The following COL13A1 variants were observed in gnomAD, a reference collection of about 807,000 sequenced individuals.
COL13A1 encodes the protein collagen alpha-1(XIII) chain.
A neutral mutation model predicts 130.9 loss-of-function variants in COL13A1; 89 were observed. The observed-to-expected ratio is 0.68, with a 90% CI of 0.57 to 0.81. The LOEUF (loss-of-function observed/expected upper bound fraction) is 0.81. COL13A1 is among the 30% of genes least tolerant of loss of function. The pLI is 0.00. For synonymous variants in COL13A1, 402 were observed against 341.6 expected, an observed-to-expected ratio of 1.18 and a Z score of -1.95; for missense variants, 879 against 934.6, an observed-to-expected ratio of 0.94 and a Z score of 0.78.
Position 69,843,618 on chromosome 10 carries a change from T to C in COL13A1, c.364+21180T>C, listed in dbSNP as rs150567630. 5.0e-3 allele frequency among the ~76,000 whole-genome samples: 764 copies of C among 152,328 alleles called. 6 individuals carry two copies. The highest frequency in any genetic ancestry group is 0.017 in the African/African-American group (720 of 41,564). The stretch of plus-strand genomic sequence containing the variant: ...AATGTTTTCTATCCAACAGCTTTGA[T>C]CTATAAAATGAGGATAATGAGAAGG... On this transcript the variant is annotated intron_variant, in intron 2 of 40. Coordinates refer to ENST00000645393, the MANE Select transcript of COL13A1 (RefSeq NM_001368882.1).
At chr10:69,924,629 A>T (rs2065109017) in intron 24 of COL13A1, among the ~76,000 whole-genome samples, 1 of 152,110 alleles carries the variant, frequency 6.6e-6, no homozygotes, top group Admixed American at 6.5e-5. Context: ...GCAGGATGGA[A>T]TTAAAGAGAA....
At chr10:69,908,934 C>A (rs2063072205) in intron 17 of COL13A1, among the ~76,000 whole-genome samples, 1 of 151,342 alleles carries the variant, frequency 6.6e-6, no homozygotes, top group African/African-American at 2.4e-5. Flanking sequence ...TCCTAATCGC[C>A]AGATGCCTTG....
At chr10:69,831,246 G>A (rs1361035544) in intron 2 of COL13A1, among the ~76,000 whole-genome samples, 1 of 152,202 alleles carries the variant, frequency 6.6e-6, no homozygotes, top group African/African-American at 2.4e-5. Context: ...TCAGCCACCT[G>A]TGGGCTGGCA....
At chr10:69,940,445 C>A (rs546822310) in intron 34 of COL13A1, among the ~76,000 whole-genome samples, 70 of 152,296 alleles carry the variant, frequency 4.6e-4, no homozygotes, top group African/African-American at 1.5e-3. Flanking sequence ...ATAAGCAGAA[C>A]AACTCCTACC....
chr10:69,921,777 G>A, intron 21 of COL13A1, 105 bp from the exon 22 acceptor site: 4 of 1,450,356 alleles, frequency 2.8e-6, no homozygotes, highest in Non-Finnish European at 3.8e-6. Flanking sequence ...GGGGCACCGA[G>A]GCAGGAGCAA....
intron 2 of COL13A1, among the ~76,000 whole-genome samples, chr10:69,860,065 G>A (rs2395279): frequency 0.11 from 16,281 of 152,246 alleles, 1,120 homozygotes; most frequent in Middle Eastern, 0.28. Flanking sequence ...TAAGCTGGAC[G>A]GAAGGCAGAG....
At chr10:69,842,791 G>T (rs1489770470) in intron 2 of COL13A1, among the ~76,000 whole-genome samples, 1 of 152,208 alleles carries the variant, frequency 6.6e-6, no homozygotes, top group Non-Finnish European at 1.5e-5. Flanking sequence ...CCCAGAGTTT[G>T]CTCCTTTGAG....
At chr10:69,872,094 G>C in intron 3 of COL13A1, 90 bp from the exon 4 acceptor site, 2 of 1,502,678 alleles carry the variant, frequency 1.3e-6, no homozygotes, top group Non-Finnish European at 1.8e-6. Context: ...CAAGTGGCAT[G>C]CCAAGGTCAC....
intron 5 of COL13A1, 111 bp from the exon 6 acceptor site, chr10:69,877,928 G>C: frequency 1.5e-6 from 1 of 668,466 alleles, no homozygotes; most frequent in Non-Finnish European, 2.8e-6. Flanking sequence ...CTTCTGTTTG[G>C]TTGTTGTGCT....
chr10:69,881,455 C>T (rs1160510371), intron 7 of COL13A1, among the ~76,000 whole-genome samples: 1 of 152,204 alleles, frequency 6.6e-6, no homozygotes, highest in African/African-American at 2.4e-5. Flanking sequence ...GAGACTGAGA[C>T]CCACAGCAGA....
At chr10:69,897,509 C>A (rs866634892) in intron 13 of COL13A1, 1 of 1,613,978 alleles carries the variant, frequency 6.2e-7, no homozygotes, top group Non-Finnish European at 8.5e-7. Flanking sequence ...GCTCTGCGCT[C>A]CAGCCAAATA....
chr10:69,867,785 C>G lies in COL13A1; in HGVS notation c.365-13C>G, dbSNP rs916942355. ...AATGACACTGACCCAGGCATTTTCTCTCTCTCTTTCAGGACCTCCTGTAAG... is the reference window on the plus strand; with the variant it reads ...AATGACACTGACCCAGGCATTTTCTGTCTCTCTTTCAGGACCTCCTGTAAG... On this transcript the variant is annotated splice_polypyrimidine_tract_variant and intron_variant, in intron 2 of 40. Transcript: ENST00000645393. The G allele has an allele frequency of 2.8e-6, 2 of 718,538 alleles. No individual in the cohort carries two copies. Among genetic ancestry groups the G allele is most frequent in the Non-Finnish European group, 5.2e-6 (2 of 385,054 alleles). The allele number at this position is 718,538 out of a possible 1,614,324, so 44.5% of individuals were successfully genotyped here. A position where few individuals can be genotyped will look rare whatever the true frequency, so the allele number is the denominator to read the frequency against.
At chr10:69,919,144 G>A in intron 20 of COL13A1, 56 bp downstream of exon 20, 11 of 1,609,488 alleles carry the variant, frequency 6.8e-6, no homozygotes, top group Non-Finnish European at 9.4e-6. Context: ...ATGGGCAGAG[G>A]TGGGAGGGGC....
At chr10:69,902,663 C>G in intron 14 of COL13A1, 85 bp from the exon 15 acceptor site, 1 of 1,130,922 alleles carries the variant, frequency 8.8e-7, no homozygotes, top group South Asian at 1.5e-5. Context: ...CACAGCAGGC[C>G]TTCACTGGGT....
chr10:69,836,880 G>A (rs941369103), intron 2 of COL13A1, among the ~76,000 whole-genome samples: 4 of 152,148 alleles, frequency 2.6e-5, no homozygotes, highest in African/African-American at 7.2e-5. Context: ...CCCAGCAGGC[G>A]GTGGGGGTAT....
At chr10:69,862,075 G>T (rs7914826) in intron 2 of COL13A1, among the ~76,000 whole-genome samples, 1 of 152,166 alleles carries the variant, frequency 6.6e-6, no homozygotes, top group Non-Finnish European at 1.5e-5. Flanking sequence ...GTCACTGGGC[G>T]CCAAGTTAGG....
chr10:69,936,023 AAAAG>A (rs2066793174), intron 32 of COL13A1, among the ~76,000 whole-genome samples: 1 of 142,268 alleles, frequency 7.0e-6, no homozygotes, highest in Admixed American at 7.0e-5. Flanking sequence ...AAAAAAAAGA[AAAAG>A]AGAGAAAGAG....
intron 40 of COL13A1, among the ~76,000 whole-genome samples, chr10:69,957,883 G>GGACCGGA (rs1169983003): frequency 6.6e-6 from 1 of 151,998 alleles, no homozygotes; most frequent in Non-Finnish European, 1.5e-5. Flanking sequence ...CCTCATAAAG[G>GGACCGGA]GACCGGAGAC....
chr10:69,937,502 G>T, intron 33 of COL13A1, 133 bp from the exon 34 acceptor site: 1 of 604,838 alleles, frequency 1.7e-6, no homozygotes, highest in South Asian at 2.0e-5. Context: ...GGGATTCTTG[G>T]TATCCTCAGC....
Sources: gnomAD v4.1 joint callset for allele counts (sites outside exome capture counted in the v4.1 genomes callset) on GRCh38, gnomAD v4.1.1 for gene constraint, MANE v1.5 for transcripts, NCBI Gene and HGNC (gene_info 2026-07-23, HGNC 2026-07-21) for gene names.